ARSB: variants seen among roughly 807,000 people sequenced by gnomAD.
ARSB encodes the protein N-acetylgalactosamine-4-sulfatase.
In ARSB, 41 loss-of-function variants were observed where a neutral mutation model predicts 50.9. The observed-to-expected ratio is 0.81, with a 90% CI of 0.63 to 1.04. The LOEUF (loss-of-function observed/expected upper bound fraction) is 1.04. Ranked by LOEUF, ARSB falls within the 50% of genes least tolerant of loss-of-function variation. The pLI is 0.00. For missense variants in ARSB, 672 were observed against 693.3 expected (o/e 0.97, Z 0.35); for synonymous variants, 269 against 284.8 (o/e 0.94, Z 0.56).
At chr5:78,939,324 A>G (rs1288551618) in intron 4 of ARSB, among the ~76,000 whole-genome samples, 1 of 151,572 alleles carries the variant, frequency 6.6e-6, no homozygotes, top group Non-Finnish European at 1.5e-5. Flanking sequence ...GTACATGTGC[A>G]TAACGTGCAG....
chr5:78,885,319 C>T (rs375594183), intron 5 of ARSB: 62 of 494,296 alleles, frequency 1.3e-4, no homozygotes, highest in East Asian at 9.5e-4. Flanking sequence ...CTAAGCAAAA[C>T]GTCGCAGCTT....
chr5:78,917,383 T>G (rs570385437), intron 4 of ARSB, among the ~76,000 whole-genome samples: 1 of 152,358 alleles, frequency 6.6e-6, no homozygotes, highest in African/African-American at 2.4e-5. Context: ...CTACTTAATT[T>G]TATTGAAATT....
At position 78,780,155 on chromosome 5, in the gene ARSB, G is replaced by A; in HGVS notation, c.*242C>T. 1 of 531,686 alleles carries A rather than the reference G, an allele frequency of 1.9e-6. No homozygotes were observed. Among genetic ancestry groups the A allele is most frequent in the Non-Finnish European group, 3.4e-6 (1 of 295,964 alleles). The allele number at this position is 531,686 out of a possible 1,614,324, so 32.9% of individuals were successfully genotyped here. On this transcript the variant is annotated 3_prime_UTR_variant, in exon 8 of 8. Coordinates refer to ENST00000264914, the MANE Select transcript of ARSB (RefSeq NM_000046.5). ...AGTTCCCAGCTGTCCCAAGGCTTAG[G>A]AAAGGGGGATAAACCCAGCCACCCC...
At chr5:78,925,453 C>T (rs930597501) in intron 4 of ARSB, among the ~76,000 whole-genome samples, 3 of 151,920 alleles carry the variant, frequency 2.0e-5, no homozygotes, top group Admixed American at 6.6e-5. Flanking sequence ...ACTTTGCCTC[C>T]GAGAAGCTAG....
chr5:78,972,405 C>A (rs1042913677), intron 1 of ARSB, among the ~76,000 whole-genome samples: 1 of 151,938 alleles, frequency 6.6e-6, no homozygotes, highest in Non-Finnish European at 1.5e-5. Context: ...ATAAACCCTC[C>A]CTAATTTGAA....
intron 3 of ARSB, among the ~76,000 whole-genome samples, chr5:78,958,498 A>C (rs1751834522): frequency 6.6e-6 from 1 of 152,206 alleles, no homozygotes; most frequent in South Asian, 2.1e-4. Context: ...AAATCATTCT[A>C]CTCACTTTGT....
chr5:78,916,210 G>C (rs754085901), intron 4 of ARSB, among the ~76,000 whole-genome samples: 2 of 152,114 alleles, frequency 1.3e-5, no homozygotes, highest in African/African-American at 2.4e-5. Flanking sequence ...CTCAGCAGGC[G>C]GTCTATGACA....
At position 78,903,835 on chromosome 5, in the gene ARSB, T is replaced by A. The variant is rs1159325650; in HGVS notation, c.899-18008A>T. Reference sequence around the variant, plus strand: ...TATATTAACCATATCAGATATGAAATCATGTGCTGGTGATTTCTTTTTAAT... The same window carrying A: ...TATATTAACCATATCAGATATGAAAACATGTGCTGGTGATTTCTTTTTAAT... On this transcript the variant is annotated intron_variant, in intron 4 of 7. Transcript: ENST00000264914. 4.6e-5 allele frequency among the ~76,000 whole-genome samples: 7 copies of A among 152,228 alleles called. No individual in the cohort carries two copies. The South Asian group carries it at 1.2e-3, about 27-fold the overall frequency.
chr5:78,872,426 A>C (rs1747249529), intron 5 of ARSB, among the ~76,000 whole-genome samples: 1 of 136,030 alleles, frequency 7.4e-6, no homozygotes, highest in Non-Finnish European at 1.6e-5. Context: ...CAAATGTCCA[A>C]CAATGATAGA....
chr5:78,921,032 T>C (rs1332006486), intron 4 of ARSB, among the ~76,000 whole-genome samples: 2 of 152,136 alleles, frequency 1.3e-5, no homozygotes, highest in African/African-American at 2.4e-5. Context: ...CTCCACTCTC[T>C]CATAAACCTT....
chr5:78,971,030 A>G (rs1170291960), intron 1 of ARSB, among the ~76,000 whole-genome samples: 1 of 152,184 alleles, frequency 6.6e-6, no homozygotes, highest in Non-Finnish European at 1.5e-5. Flanking sequence ...ACCAGAATAA[A>G]GTGAGGCAGT....
At chr5:78,924,799 T>C (rs1749973221) in intron 4 of ARSB, among the ~76,000 whole-genome samples, 1 of 152,184 alleles carries the variant, frequency 6.6e-6, no homozygotes, top group Non-Finnish European at 1.5e-5. Flanking sequence ...ATAGACTGAA[T>C]TGGGGTTGAG....
chr5:78,842,810 ATTG>A lies in ARSB; in HGVS notation c.1143-3387_1143-3385del, dbSNP rs1745287618. On this transcript the variant is annotated intron_variant, in intron 5 of 7. Coordinates refer to ENST00000264914, the MANE Select transcript of ARSB (RefSeq NM_000046.5). ...TTTTTTTTTAGAGAAAACGTTTTCCATTGTTGTCTCACTGCCATCCCTTCCTCA... is the reference window on the plus strand; with the variant it reads ...TTTTTTTTTAGAGAAAACGTTTTCCATTGTCTCACTGCCATCCCTTCCTCA... 2.3e-5 allele frequency among the ~76,000 whole-genome samples: 3 copies of A among 129,332 alleles called. No homozygotes were observed. In the East Asian group the frequency reaches 6.4e-4, roughly 27 times the overall value. 84.8% of individuals were successfully genotyped at this position (129,332 alleles called of 152,430 possible).
intron 5 of ARSB, chr5:78,884,267 C>T (rs557766190): frequency 6.6e-5 from 10 of 152,138 alleles, no homozygotes; most frequent in African/African-American, 2.4e-4. Flanking sequence ...CAAAAAGTTG[C>T]AAAAATAAGA....
intron 4 of ARSB, among the ~76,000 whole-genome samples, chr5:78,932,765 C>T (rs1750391048): frequency 6.6e-6 from 1 of 152,216 alleles, no homozygotes; most frequent in Non-Finnish European, 1.5e-5. Context: ...AACTAGGTTA[C>T]AGGAAGTACT....
chr5:78,934,753 G>A (rs917267725), intron 4 of ARSB, among the ~76,000 whole-genome samples: 3 of 152,002 alleles, frequency 2.0e-5, no homozygotes, highest in Admixed American at 6.6e-5. Flanking sequence ...CTGAGATCAC[G>A]CCACTGCACT....
At chr5:78,847,534 T>C (rs78539109) in intron 5 of ARSB, among the ~76,000 whole-genome samples, 3,015 of 152,298 alleles carry the variant, frequency 0.02, 101 homozygotes, top group African/African-American at 0.07. Context: ...TCTTTTCTTG[T>C]TGTATCTCTG....
At chr5:78,931,276 G>C (rs1011494554) in intron 4 of ARSB, among the ~76,000 whole-genome samples, 1 of 152,078 alleles carries the variant, frequency 6.6e-6, no homozygotes, top group Non-Finnish European at 1.5e-5. Context: ...TTACTACAGG[G>C]TAAATCCTCA....
At chr5:78,918,432 T>TTAGATA (rs1749655321) in intron 4 of ARSB, among the ~76,000 whole-genome samples, 1 of 152,234 alleles carries the variant, frequency 6.6e-6, no homozygotes, top group Admixed American at 6.5e-5. Context: ...TAGAATAGTT[T>TTAGATA]TAGATATACA....
Sources: gnomAD v4.1 joint callset for allele counts (sites outside exome capture counted in the v4.1 genomes callset) on GRCh38, gnomAD v4.1.1 for gene constraint, MANE v1.5 for transcripts, NCBI Gene and HGNC (gene_info 2026-07-23, HGNC 2026-07-21) for gene names.